The following DDAH1 variants were observed in gnomAD, a reference collection of about 807,000 sequenced individuals.
DDAH1 encodes N(G),N(G)-dimethylarginine dimethylaminohydrolase 1.
In DDAH1, 19 loss-of-function variants were observed where a neutral mutation model predicts 28.8. The ratio of observed to expected loss-of-function variants is 0.66; its 90% confidence interval spans 0.46 to 0.97. The LOEUF is 0.97. DDAH1 is among the 50% of genes least tolerant of loss of function. The pLI, the probability that DDAH1 is intolerant of heterozygous loss-of-function variation, is 0.00. For missense variants in DDAH1, 326 were observed against 375.9 expected, an observed-to-expected ratio of 0.87 and a Z score of 1.10; for synonymous variants, 153 against 154.4, an observed-to-expected ratio of 0.99 and a Z score of 0.07.
chr1:85,454,471 T>C (rs1242525398), intron 1 of DDAH1, among the ~76,000 whole-genome samples: 1 of 152,194 alleles, frequency 6.6e-6, no homozygotes, highest in African/African-American at 2.4e-5. Flanking sequence ...AGGACCCAAC[T>C]GGCCAACAGG....
intron 1 of DDAH1, among the ~76,000 whole-genome samples, chr1:85,384,522 G>T (rs1651153243): frequency 6.6e-6 from 1 of 152,158 alleles, no homozygotes; most frequent in African/African-American, 2.4e-5. Context: ...TCAGGGATCA[G>T]TCCTACACTT....
At chr1:85,343,698 C>A (rs1648655545) in intron 4 of DDAH1, among the ~76,000 whole-genome samples, 1 of 152,156 alleles carries the variant, frequency 6.6e-6, no homozygotes, top group Admixed American at 6.5e-5. Flanking sequence ...TTGATATGAG[C>A]TAGTTAGTTC....
intron 5 of DDAH1, 147 bp from the exon 6 acceptor site, chr1:85,321,715 C>T (rs767468668): frequency 9.0e-6 from 6 of 667,330 alleles, no homozygotes; most frequent in Non-Finnish European, 1.6e-5. Flanking sequence ...CACATGCCCA[C>T]AGTCATCCCT....
At chr1:85,561,645 A>G (rs1020855016) in intron 1 of DDAH1, among the ~76,000 whole-genome samples, 3 of 152,140 alleles carry the variant, frequency 2.0e-5, no homozygotes, top group Admixed American at 1.3e-4. Context: ...TACTGGGGAG[A>G]AAGTCACATT....
intron 1 of DDAH1, among the ~76,000 whole-genome samples, chr1:85,545,443 T>A (rs1423210202): frequency 6.6e-6 from 1 of 152,210 alleles, no homozygotes; most frequent in Non-Finnish European, 1.5e-5. Flanking sequence ...TTCTTTCAAC[T>A]ATTAAAACAT....
At chr1:85,347,202 G>C (rs1648906681) in intron 4 of DDAH1, among the ~76,000 whole-genome samples, 1 of 152,248 alleles carries the variant, frequency 6.6e-6, no homozygotes, top group Admixed American at 6.5e-5. Flanking sequence ...GTGGAAGACA[G>C]TGTGGCGATT....
Position 85,319,984 on chromosome 1 carries a change from C to T in DDAH1, c.*1468G>A, listed in dbSNP as rs1178459437. The T allele has an allele frequency of 1.3e-5, 2 of 152,174 alleles. No individual in the cohort carries two copies. The highest frequency in any genetic ancestry group is 2.9e-5 in the Non-Finnish European group (2 of 68,042). 9.4% of individuals were successfully genotyped at this position (152,174 alleles called of 1,614,324 possible). A position where few individuals can be genotyped will look rare whatever the true frequency, so the allele number is the denominator to read the frequency against. ...GAGCAGAGCAAGATTTGAAGTGATACTTCTTAATCTCTTTGATTCTTAATC... is the reference window on the plus strand; with the variant it reads ...GAGCAGAGCAAGATTTGAAGTGATATTTCTTAATCTCTTTGATTCTTAATC... On this transcript the variant is annotated 3_prime_UTR_variant, in exon 6 of 6. Transcript: ENST00000284031.
chr1:85,499,743 A>G (rs1266644984), intron 1 of DDAH1, among the ~76,000 whole-genome samples: 2 of 152,204 alleles, frequency 1.3e-5, no homozygotes, highest in East Asian at 3.8e-4. Flanking sequence ...CACTTACCTA[A>G]GGTTACAGAA....
intron 1 of DDAH1, among the ~76,000 whole-genome samples, chr1:85,509,217 C>T (rs934854156): frequency 2.6e-5 from 4 of 152,236 alleles, no homozygotes; most frequent in African/African-American, 7.2e-5. Flanking sequence ...TGGAGTGGAA[C>T]TCCAGCAAAC....
At chr1:85,436,437 C>A (rs899343434) in intron 1 of DDAH1, among the ~76,000 whole-genome samples, 6 of 152,150 alleles carry the variant, frequency 3.9e-5, no homozygotes, top group East Asian at 1.9e-4. Context: ...AGCTTTTGGC[C>A]AAAACCCCAG....
chr1:85,456,100 A>G (rs1045609), intron 1 of DDAH1, among the ~76,000 whole-genome samples: 692 of 152,038 alleles, frequency 4.6e-3, no homozygotes, highest in African/African-American at 0.016. Flanking sequence ...AAAAAGAAAA[A>G]AAAAAAATCC....
At chr1:85,466,281 A>C (rs1266922829), upstream of DDAH1, among the ~76,000 whole-genome samples, 1 of 151,924 alleles carries the variant, frequency 6.6e-6, no homozygotes, top group East Asian at 1.9e-4. Context: ...ACGGAGTTTC[A>C]CTCTTGTTGC....
chr1:85,390,234 T>C (rs1651480710), intron 1 of DDAH1, among the ~76,000 whole-genome samples: 2 of 152,174 alleles, frequency 1.3e-5, no homozygotes, highest in African/African-American at 4.8e-5. Context: ...ATCAGCTTTA[T>C]CCGGGGTCCC....
chr1:85,508,305 C>T (rs1657096834), intron 1 of DDAH1, among the ~76,000 whole-genome samples: 1 of 152,200 alleles, frequency 6.6e-6, no homozygotes, highest in African/African-American at 2.4e-5. Flanking sequence ...TTTCCCTCAT[C>T]AAGTAGATGA....
At chr1:85,333,663 C>T (rs75000909) in intron 4 of DDAH1, among the ~76,000 whole-genome samples, 2,601 of 151,716 alleles carry the variant, frequency 0.017, 68 homozygotes, top group East Asian at 0.12. Flanking sequence ...AATCCTGAAA[C>T]TGAAGAATTC....
At chr1:85,326,151 A>G (rs180959627) in intron 4 of DDAH1, among the ~76,000 whole-genome samples, 8 of 152,176 alleles carry the variant, frequency 5.3e-5, no homozygotes, top group African/African-American at 1.9e-4. Context: ...GCCCTTCCTG[A>G]CTCACCAGTC....
intron 2 of DDAH1, among the ~76,000 whole-genome samples, chr1:85,352,918 T>C (rs996650085): frequency 6.6e-6 from 1 of 152,112 alleles, no homozygotes; most frequent in African/African-American, 2.4e-5. Flanking sequence ...CTAGACATTG[T>C]TGATAAATTC....
At chr1:85,568,831 G>A (rs1253878291) in intron 1 of DDAH1, among the ~76,000 whole-genome samples, 1 of 152,178 alleles carries the variant, frequency 6.6e-6, no homozygotes, top group East Asian at 1.9e-4. Context: ...ACCATCCAGT[G>A]TGACAAGAAG....
chr1:85,532,115 G>A lies in DDAH1; in HGVS notation c.-122-35834C>T, dbSNP rs528737835. Among the ~76,000 whole-genome samples, 5 of 151,162 alleles carry A rather than the reference G, an allele frequency of 3.3e-5. No homozygotes were observed. In the South Asian group the frequency reaches 1.1e-3, roughly 32 times the overall value. ...AGGCACCTCCAGCTCCCAATCCAGA[G>A]TTCATGCCTTTTTATTCTACCTGCT... On this transcript the variant is annotated intron_variant, in intron 1 of 6. Transcript: ENST00000426972.
Sources: allele counts gnomAD v4.1 joint callset (sites outside exome capture counted in the v4.1 genomes callset), GRCh38; gene constraint gnomAD v4.1.1; transcripts MANE v1.5; gene names NCBI Gene and HGNC (gene_info 2026-07-23, HGNC 2026-07-21).